Variants in DLGAP2 observed in about 807,000 individuals in gnomAD.
The protein encoded by DLGAP2 is disks large-associated protein 2.
Under a neutral mutation model 100.3 loss-of-function variants are expected in DLGAP2, and 26 were observed. The observed-to-expected ratio is 0.26, with a 90% CI of 0.19 to 0.36. The LOEUF (loss-of-function observed/expected upper bound fraction) is 0.36. DLGAP2 is among the 10% of genes least tolerant of loss of function. DLGAP2 has a pLI of 1.00. For missense variants in DLGAP2, 1,858 were observed against 1,453.2 expected, an observed-to-expected ratio of 1.28 and a Z score of -4.53; for synonymous variants, 886 against 630.1, an observed-to-expected ratio of 1.41 and a Z score of -6.08.
intron 2 of DLGAP2, among the ~76,000 whole-genome samples, chr8:985,064 C>T (rs1418565945): frequency 6.6e-6 from 1 of 152,178 alleles, no homozygotes; most frequent in Non-Finnish European, 1.5e-5. Flanking sequence ...TTATAAAGAG[C>T]CTCAGAGTTT....
chr8:1,064,583 T>C (rs28586957), intron 2 of DLGAP2, among the ~76,000 whole-genome samples: 3,459 of 152,338 alleles, frequency 0.023, 130 homozygotes, highest in African/African-American at 0.079. Flanking sequence ...AATATCTGTT[T>C]TACTTAAACA....
At chr8:948,631 G>A (rs1799394404) in intron 2 of DLGAP2, among the ~76,000 whole-genome samples, 3 of 152,238 alleles carry the variant, frequency 2.0e-5, no homozygotes, top group African/African-American at 2.4e-5. Flanking sequence ...GCGAGGCTGC[G>A]TTCTCAGAGC....
intron 2 of DLGAP2, among the ~76,000 whole-genome samples, chr8:1,069,874 C>T (rs990278534): frequency 6.6e-6 from 1 of 152,102 alleles, no homozygotes; most frequent in African/African-American, 2.4e-5. Flanking sequence ...AGGCCAGAAG[C>T]CAAGCTAGAG....
chr8:859,096 C>G (rs1355114085), intron 1 of DLGAP2, among the ~76,000 whole-genome samples: 2 of 148,796 alleles, frequency 1.3e-5, no homozygotes, highest in African/African-American at 2.5e-5. Context: ...AGACATAGAC[C>G]AGCCCCACCT....
intron 2 of DLGAP2, among the ~76,000 whole-genome samples, chr8:1,204,132 G>A (rs962301826): frequency 2.0e-5 from 3 of 152,244 alleles, no homozygotes. Context: ...GCCATACATG[G>A]CAGCAATGCC....
intron 3 of DLGAP2, among the ~76,000 whole-genome samples, chr8:1,371,600 T>C (rs1245568172): frequency 6.6e-6 from 1 of 152,222 alleles, no homozygotes; most frequent in African/African-American, 2.4e-5. Context: ...AAAGAAGGAA[T>C]TTGAAGATCT....
chr8:1,190,851 G>A (rs1021580952), intron 2 of DLGAP2, among the ~76,000 whole-genome samples: 1 of 152,136 alleles, frequency 6.6e-6, no homozygotes, highest in Non-Finnish European at 1.5e-5. Context: ...GGCTCCAGGC[G>A]CACGCAGCAG....
chr8:1,139,565 G>C (rs1796484962), intron 2 of DLGAP2, among the ~76,000 whole-genome samples: 1 of 152,208 alleles, frequency 6.6e-6, no homozygotes, highest in Non-Finnish European at 1.5e-5. Flanking sequence ...CACCTTGGGG[G>C]TTAAGATTTC....
chr8:1,049,805 G>A (rs2129032609), intron 2 of DLGAP2, among the ~76,000 whole-genome samples: 1 of 152,236 alleles, frequency 6.6e-6, no homozygotes, highest in African/African-American at 2.4e-5. Context: ...GGCAGTAACA[G>A]GTGTGCATAC....
intron 1 of DLGAP2, among the ~76,000 whole-genome samples, chr8:758,181 C>T (rs1254524191): frequency 3.3e-5 from 5 of 152,130 alleles, no homozygotes; most frequent in Admixed American, 1.3e-4. Context: ...GACAGTGAAG[C>T]CAGGACTGAT....
At chr8:778,134 G>A (rs557964961) in intron 1 of DLGAP2, among the ~76,000 whole-genome samples, 4 of 151,834 alleles carry the variant, frequency 2.6e-5, no homozygotes, top group African/African-American at 4.8e-5. Flanking sequence ...CCAGTTGATC[G>A]CATCGGCTCC....
intron 3 of DLGAP2, among the ~76,000 whole-genome samples, chr8:1,307,332 G>A (rs560536697): frequency 2.6e-5 from 4 of 152,310 alleles, no homozygotes; most frequent in Admixed American, 2.0e-4. Context: ...ACACATTAGA[G>A]TGGTCATTGT....
intron 2 of DLGAP2, among the ~76,000 whole-genome samples, chr8:1,175,046 C>G (rs1304691249): frequency 3.3e-5 from 5 of 152,256 alleles, no homozygotes; most frequent in South Asian, 2.1e-4. Flanking sequence ...GGATGGAACT[C>G]AAAACTAAAT....
chr8:1,203,174 C>T (rs749795018), intron 2 of DLGAP2, among the ~76,000 whole-genome samples: 8 of 152,162 alleles, frequency 5.3e-5, no homozygotes, highest in African/African-American at 7.2e-5. Context: ...CCTATTAACA[C>T]GATGTGTGTG....
intron 3 of DLGAP2, among the ~76,000 whole-genome samples, chr8:1,342,494 C>T (rs187657385): frequency 7.0e-6 from 1 of 143,066 alleles, no homozygotes; most frequent in African/African-American, 2.6e-5. Flanking sequence ...TGTGAAGGGC[C>T]AAGTAGTTAA....
At position 1,282,494 on chromosome 8, in the gene DLGAP2, C is replaced by T. The variant is rs1446883977; in HGVS notation, c.106+23611C>T. On this transcript the variant is annotated intron_variant, in intron 3 of 14. Transcript: ENST00000637795. ...GACATGGTGTGACCTGAACCCAGCA[C>T]GTGAACCATCCAGACGTGGTGTGAC... 1.9e-4 allele frequency among the ~76,000 whole-genome samples: 24 copies of T among 129,250 alleles called. 1 individual carries two copies. Among genetic ancestry groups the T allele is most frequent in the African/African-American group, 6.2e-4 (22 of 35,222 alleles). The allele number at this position is 129,250 out of a possible 152,430, so 84.8% of individuals were successfully genotyped here. A position where few individuals can be genotyped will look rare whatever the true frequency, so the allele number is the denominator to read the frequency against.
intron 2 of DLGAP2, among the ~76,000 whole-genome samples, chr8:935,062 G>A (rs1036359285): frequency 1.3e-5 from 2 of 152,342 alleles, no homozygotes; most frequent in Admixed American, 6.5e-5. Flanking sequence ...CAGCAGAACC[G>A]TGTACCGCGA....
chr8:835,110 T>C (rs1796849155), intron 1 of DLGAP2, among the ~76,000 whole-genome samples: 2 of 152,172 alleles, frequency 1.3e-5, no homozygotes, highest in Non-Finnish European at 2.9e-5. Flanking sequence ...TGGGTGTTTG[T>C]GGAGGGGGGG....
chr8:1,557,141 G>A (rs1251452725), intron 5 of DLGAP2, among the ~76,000 whole-genome samples: 1 of 152,154 alleles, frequency 6.6e-6, no homozygotes, highest in Admixed American at 6.6e-5. Flanking sequence ...CCCCCATTTA[G>A]TGACAACCAA....
Sources: gnomAD v4.1 joint callset for allele counts (sites outside exome capture counted in the v4.1 genomes callset) on GRCh38, gnomAD v4.1.1 for gene constraint, MANE v1.5 for transcripts, NCBI Gene and HGNC (gene_info 2026-07-23, HGNC 2026-07-21) for gene names.